NLGN3: variants seen among roughly 807,000 people sequenced by gnomAD.
NLGN3 encodes the protein neuroligin-3.
NLGN3 carries 11 observed loss-of-function variants against 42.9 expected under a neutral mutation model. That is an observed-to-expected ratio of 0.26 (90% CI 0.16 to 0.42). The LOEUF is 0.42. Among genes scored for constraint, NLGN3 ranks in the 10% least tolerant of loss-of-function variants. The probability of loss-of-function intolerance (pLI) is 1.00; values close to 1 mark genes in which losing one functional copy is unlikely to be tolerated. For synonymous variants in NLGN3, 279 were observed against 312.7 expected (o/e 0.89, Z 1.14); for missense variants, 374 against 733.8 (o/e 0.51, Z 5.67).
chrX:71,153,633 T>C, intron 4 of NLGN3, 97 bp downstream of exon 4: 4 of 827,360 alleles, frequency 4.8e-6, no homozygotes, highest in Non-Finnish European at 7.1e-6. Context: ...TGTCTGTCCG[T>C]TGGTGTGTTT....
At chrX:71,150,116 C>T (rs984063863) in intron 3 of NLGN3, among the ~76,000 whole-genome samples, 8 of 111,076 alleles carry the variant, frequency 7.2e-5, no homozygotes, top group African/African-American at 2.3e-4. Flanking sequence ...GAATGAGACC[C>T]GCTGCTGTAG....
downstream of NLGN3, among the ~76,000 whole-genome samples, chrX:71,174,565 A>G (rs759283692): frequency 2.9e-4 from 32 of 112,011 alleles, no homozygotes; most frequent in Admixed American, 1.3e-3. Context: ...GGAAAAACAA[A>G]TCATGCCCCA....
chrX:71,171,536 T>A (rs2092471321), downstream of NLGN3: 1 of 191,012 alleles, frequency 5.2e-6, no homozygotes, highest in Non-Finnish European at 7.9e-6. Flanking sequence ...GGCCTCCTCC[T>A]CCTCTTACTT....
At chrX:71,147,233 T>A (rs1278688743) in intron 1 of NLGN3, among the ~76,000 whole-genome samples, 2 of 111,787 alleles carry the variant, frequency 1.8e-5, no homozygotes, top group Non-Finnish European at 3.8e-5. Context: ...CCCCACCCCC[T>A]GGCTGTCACA....
At chrX:71,150,098 C>T (rs5981078) in intron 3 of NLGN3, among the ~76,000 whole-genome samples, 3 of 111,111 alleles carry the variant, frequency 2.7e-5, no homozygotes, top group African/African-American at 3.3e-5. Context: ...AATGCACACC[C>T]GAGCATGGAA....
Position 71,167,805 on chromosome X carries a change from G to T in NLGN3, c.1703+5G>T, listed in dbSNP as rs746912425. On this transcript the variant is annotated splice_donor_5th_base_variant and intron_variant, in intron 7 of 7. Coordinates refer to ENST00000358741, the MANE Select transcript of NLGN3 (RefSeq NM_181303.2). ...GACCAACTTTGCCAAGACTGGGTAA[G>T]GAGAAAATAGGGTTTTTTTCCTCTT... 6.6e-6 allele frequency: 8 copies of T among 1,203,884 alleles called. No homozygotes were observed. Among genetic ancestry groups the T allele is most frequent in the Non-Finnish European group, 9.0e-6 (8 of 888,781 alleles).
chrX:71,160,365 T>C, intron 5 of NLGN3, among the ~76,000 whole-genome samples: 1 of 109,179 alleles, frequency 9.2e-6, no homozygotes, highest in Middle Eastern at 4.7e-3. Context: ...TACAGGCGCC[T>C]GCCACCACAC....
intron 5 of NLGN3, among the ~76,000 whole-genome samples, chrX:71,160,678 T>C (rs980044848): frequency 8.9e-6 from 1 of 112,461 alleles, no homozygotes; most frequent in African/African-American, 3.2e-5. Flanking sequence ...ATATAGGATG[T>C]GGAAATCCCT....
rs2092467093 is a variant in NLGN3, at chrX:71,170,248, CAA to C, written c.*153_*154del. 1 of 1,138,162 alleles carries C rather than the reference CAA, an allele frequency of 8.8e-7. No homozygotes were observed. The highest frequency in any genetic ancestry group is 2.0e-5 in the South Asian group (1 of 50,086). 93.8% of individuals were successfully genotyped at this position (1,138,162 alleles called of 1,213,427 possible). Reference sequence around the variant, plus strand: ...ACACCCTACAGCAGATCCACCTGCACAAACATAGACAGATGTGGACATGCACC... The same window carrying C: ...ACACCCTACAGCAGATCCACCTGCACACATAGACAGATGTGGACATGCACC... On this transcript the variant is annotated 3_prime_UTR_variant, in exon 8 of 8. Transcript: ENST00000358741.
At chrX:71,151,971 G>A (rs903187081) in intron 3 of NLGN3, among the ~76,000 whole-genome samples, 3 of 112,079 alleles carry the variant, frequency 2.7e-5, no homozygotes, top group African/African-American at 9.7e-5. Context: ...AGTTCAGGGA[G>A]CCAGAGGCAA....
In NLGN3 at chrX:71,168,892, AAGAAAG is replaced by A. The variant is rs1369234195; in HGVS notation, c.1704-360_1704-355del. On this transcript the variant is annotated intron_variant, in intron 7 of 7. Coordinates refer to ENST00000358741, the MANE Select transcript of NLGN3 (RefSeq NM_181303.2). Reference sequence around the variant, plus strand: ...AAGAGAAAGAAAAGAAAGAGAAAGAAAGAAAGAAAGAAAAAGAGACTTCGGGTTCAG... The same window carrying A: ...AAGAGAAAGAAAAGAAAGAGAAAGAAAAAGAAAAAGAGACTTCGGGTTCAG... 4.6e-3 allele frequency among the ~76,000 whole-genome samples: 484 copies of A among 105,508 alleles called. 6 individuals are homozygous for A. Among genetic ancestry groups the A allele is most frequent in the African/African-American group, 0.017 (462 of 27,134 alleles). 91.6% of individuals were successfully genotyped at this position (105,508 alleles called of 115,157 possible). A position where few individuals can be genotyped will look rare whatever the true frequency, so the allele number is the denominator to read the frequency against.
At chrX:71,159,044 G>A (rs1267436199) in intron 5 of NLGN3, among the ~76,000 whole-genome samples, 1 of 111,030 alleles carries the variant, frequency 9.0e-6, no homozygotes, top group African/African-American at 3.3e-5. Context: ...AATTTTACAG[G>A]GCCGGGTGTG....
chrX:71,157,599 C>T (rs1474402444), intron 5 of NLGN3, among the ~76,000 whole-genome samples: 1 of 111,358 alleles, frequency 9.0e-6, no homozygotes, highest in African/African-American at 3.3e-5. Flanking sequence ...GCTGGGATTA[C>T]AGGCATGAGC....
intron 3 of NLGN3, among the ~76,000 whole-genome samples, chrX:71,152,675 C>A (rs1431215429): frequency 6.3e-5 from 7 of 111,809 alleles, no homozygotes; most frequent in Non-Finnish European, 1.1e-4. Flanking sequence ...ATGGTTGGAG[C>A]TGTGACCATT....
chrX:71,175,271 T>C (rs1347571077), downstream of NLGN3, among the ~76,000 whole-genome samples: 2 of 111,764 alleles, frequency 1.8e-5, no homozygotes, highest in South Asian at 7.4e-4. Flanking sequence ...CTTCCTTTTT[T>C]ATGATGAAAA....
rs182147005 is a variant in NLGN3 at position 71,155,099 on chromosome X, G to A, written c.578-115G>A. 2.0e-4 allele frequency: 169 copies of A among 829,021 alleles called. No individual in the cohort carries two copies. In the African/African-American group the frequency reaches 2.1e-3, roughly 10 times the overall value. The allele number at this position is 829,021 out of a possible 1,213,427, so 68.3% of individuals were successfully genotyped here. On this transcript the variant is annotated intron_variant, in intron 4 of 7. Transcript: ENST00000358741. ...CATGAGTCCTGCCCTCAGGGATGGC[G>A]GTGGTGTCCTGGCACCTGGGATAGC...
chrX:71,170,282 T>C lies in NLGN3; in HGVS notation c.*185T>C, dbSNP rs957359271. The C allele has an allele frequency of 2.1e-5, 23 of 1,116,894 alleles. No individual in the cohort carries two copies. In the African/African-American group the frequency reaches 3.3e-4, roughly 16 times the overall value. 92.0% of individuals were successfully genotyped at this position (1,116,894 alleles called of 1,213,427 possible). ...ACAGATGTGGACATGCACCCGCATG[T>C]ACAAAAACACAAATACGGAAGTAAA... is the stretch of plus-strand genomic sequence containing the variant. On this transcript the variant is annotated 3_prime_UTR_variant, in exon 8 of 8. Transcript: ENST00000358741.
At chrX:71,159,933 G>A (rs1179549066) in intron 5 of NLGN3, among the ~76,000 whole-genome samples, 1 of 87,324 alleles carries the variant, frequency 1.1e-5, no homozygotes, top group African/African-American at 4.5e-5. Flanking sequence ...CGGGGGTTTC[G>A]CCATGTTGGC....
chrX:71,170,705 C>G lies in NLGN3; in HGVS notation c.*608C>G, dbSNP rs1226373621. On this transcript the variant is annotated 3_prime_UTR_variant, in exon 8 of 8. Transcript: ENST00000358741. ...GTGCTCACACAATCAGACCAAGGAA[C>G]AAGACCCCCAGGAAGGAAACAGATT... is the stretch of plus-strand genomic sequence containing the variant. 6 of 761,233 alleles carry G rather than the reference C, an allele frequency of 7.9e-6. No individual in the cohort carries two copies. Among genetic ancestry groups the G allele is most frequent in the Non-Finnish European group, 9.3e-6 (6 of 643,658 alleles). 62.7% of individuals were successfully genotyped at this position (761,233 alleles called of 1,213,427 possible).
Sources: allele counts gnomAD v4.1 joint callset (sites outside exome capture counted in the v4.1 genomes callset), GRCh38; gene constraint gnomAD v4.1.1; transcripts MANE v1.5; gene names NCBI Gene and HGNC (gene_info 2026-07-23, HGNC 2026-07-21).